SPNS2: variants seen among roughly 807,000 people sequenced by gnomAD.
The protein encoded by SPNS2 is SPNS lysolipid transporter 2, sphingosine-1-phosphate.
In SPNS2, 37 loss-of-function variants were observed where a neutral mutation model predicts 57.6. The ratio of observed to expected loss-of-function variants is 0.64; its 90% CI spans 0.49 to 0.85. SPNS2 has a LOEUF of 0.85. Among genes scored for constraint, SPNS2 ranks in the 40% least tolerant of loss-of-function variants. SPNS2 has a pLI of 0.00. For synonymous variants in SPNS2, 440 were observed against 346.9 expected, an observed-to-expected ratio of 1.27 and a Z score of -2.98; for missense variants, 831 against 779.1, an observed-to-expected ratio of 1.07 and a Z score of -0.79.
chr17:4,518,432 G>A lies in SPNS2; in HGVS notation c.436+5120G>A, dbSNP rs557599849. On this transcript the variant is annotated intron_variant, in intron 2 of 12. Coordinates refer to ENST00000329078, the MANE Select transcript of SPNS2 (RefSeq NM_001124758.3). ...CCGCTACTCGGGAGACTGAGGCAGGGGAATGGCATGAACCCAGGAGGCGGA... is the reference window on the plus strand; with the variant it reads ...CCGCTACTCGGGAGACTGAGGCAGGAGAATGGCATGAACCCAGGAGGCGGA... 7.9e-4 allele frequency among the ~76,000 whole-genome samples: 121 copies of A among 152,348 alleles called. 2 individuals are homozygous for A. The South Asian group carries it at 0.024, about 31-fold the overall frequency.
chr17:4,521,076 G>A (rs1232034881), intron 2 of SPNS2, among the ~76,000 whole-genome samples: 1 of 152,114 alleles, frequency 6.6e-6, no homozygotes, highest in Non-Finnish European at 1.5e-5. Context: ...TGTCACCACC[G>A]CCTCCGGGAA....
intron 1 of SPNS2, among the ~76,000 whole-genome samples, chr17:4,500,965 G>A (rs549333146): frequency 1.5e-4 from 23 of 152,288 alleles, no homozygotes; most frequent in Admixed American, 4.6e-4. Context: ...AACGCCAGCC[G>A]CTGTCACGCA....
At chr17:4,515,812 G>A (rs1356913002) in intron 2 of SPNS2, among the ~76,000 whole-genome samples, 1 of 152,238 alleles carries the variant, frequency 6.6e-6, no homozygotes, top group East Asian at 1.9e-4. Flanking sequence ...AGGGGCTGCT[G>A]GGCCAGGAGA....
chr17:4,521,206 C>T (rs1905130495), intron 2 of SPNS2, among the ~76,000 whole-genome samples: 1 of 152,120 alleles, frequency 6.6e-6, no homozygotes, highest in Non-Finnish European at 1.5e-5. Flanking sequence ...GGGGAAACTT[C>T]TCTTCTGATT....
chr17:4,536,432 T>TC lies in SPNS2; in HGVS notation c.1607+6_1607+7insC. On this transcript the variant is annotated splice_region_variant and intron_variant, in intron 11 of 12. Transcript: ENST00000329078. The stretch of plus-strand genomic sequence containing the variant: ...CGCGCCAGGGCTGAGCAGCAGTGAG[T>TC]GGGGGGGAGGGGAGGCCCTGCTGCA... 6.3e-7 allele frequency: 1 copy of TC among 1,578,354 alleles called. No individual in the cohort carries two copies. The highest frequency in any genetic ancestry group is 1.7e-5 in the Admixed American group (1 of 57,782).
chr17:4,529,758 A>T (rs1188031628), intron 3 of SPNS2, among the ~76,000 whole-genome samples: 1 of 152,210 alleles, frequency 6.6e-6, no homozygotes, highest in Admixed American at 6.5e-5. Context: ...GGTGATTCCC[A>T]GGAAGAGAAA....
At chr17:4,536,763 C>T (rs954962109) in intron 11 of SPNS2, 137 bp from the exon 12 acceptor site, 4 of 734,132 alleles carry the variant, frequency 5.4e-6, no homozygotes, top group African/African-American at 5.2e-5. Flanking sequence ...TGGGCTCTCC[C>T]ATCTCCCCCT....
chr17:4,508,658 G>A (rs1193129984), intron 1 of SPNS2, among the ~76,000 whole-genome samples: 7 of 152,202 alleles, frequency 4.6e-5, no homozygotes, highest in Non-Finnish European at 8.8e-5. Context: ...GCGGCAATGG[G>A]GCTGCTAAGT....
intron 11 of SPNS2, 86 bp downstream of exon 11, chr17:4,536,512 C>G (rs373557981): frequency 8.3e-5 from 113 of 1,367,418 alleles, no homozygotes; most frequent in Non-Finnish European, 1.1e-4. Flanking sequence ...TGGGGTGGGG[C>G]GGGGAGGGTA....
At chr17:4,531,218 G>C (rs2144362513) in intron 5 of SPNS2, 99 bp downstream of exon 5, 1 of 1,130,124 alleles carries the variant, frequency 8.8e-7, no homozygotes, top group Non-Finnish European at 1.3e-6. Context: ...AGGCCTCCAG[G>C]ATTCCTCCCC....
intron 2 of SPNS2, among the ~76,000 whole-genome samples, chr17:4,516,341 AAAC>A (rs532815776): frequency 2.9e-3 from 189 of 65,128 alleles, no homozygotes; most frequent in South Asian, 9.2e-3. Context: ...AAAAAAAAAA[AAAC>A]AAAAAAACCG....
rs149211796 is a variant in SPNS2, at chr17:4,537,706, T to C, written c.*258T>C. Reference sequence around the variant, plus strand: ...CCCTAGGTTTGGGCCGCAGGGCCCCTGGGGCCAAGGAAGAAGACAGCCCCA... The same window carrying C: ...CCCTAGGTTTGGGCCGCAGGGCCCCCGGGGCCAAGGAAGAAGACAGCCCCA... On this transcript the variant is annotated 3_prime_UTR_variant, in exon 13 of 13. Coordinates refer to ENST00000329078, the MANE Select transcript of SPNS2 (RefSeq NM_001124758.3). The C allele has an allele frequency of 1.3e-4, 60 of 456,756 alleles. No homozygotes were observed. In the East Asian group the frequency reaches 3.7e-3, roughly 28 times the overall value. 28.3% of individuals were successfully genotyped at this position (456,756 alleles called of 1,614,324 possible).
intron 8 of SPNS2, 38 bp downstream of exon 8, chr17:4,533,470 G>T (rs748062407): frequency 3.2e-6 from 5 of 1,552,314 alleles, no homozygotes; most frequent in Non-Finnish European, 4.3e-6. Flanking sequence ...GGGGGAGCTG[G>T]GCCTGGGCCG....
At chr17:4,506,149 G>C (rs144706116) in intron 1 of SPNS2, among the ~76,000 whole-genome samples, 1 of 152,108 alleles carries the variant, frequency 6.6e-6, no homozygotes, top group African/African-American at 2.4e-5. Context: ...GGACCAGCTC[G>C]GCCTGGCTCC....
intron 3 of SPNS2, among the ~76,000 whole-genome samples, chr17:4,525,536 G>A (rs1252841398): frequency 6.6e-6 from 1 of 152,232 alleles, no homozygotes; most frequent in East Asian, 1.9e-4. Context: ...TTATCTGGCT[G>A]TGTGACCCTG....
In SPNS2 at chr17:4,537,742, C is replaced by G; in HGVS notation, c.*294C>G. ...AAGAAGACAGCCCCAAGTGGGTGTCCGGGGAGAGCCTGGCCTGCCACCAGC... is the reference window on the plus strand; with the variant it reads ...AAGAAGACAGCCCCAAGTGGGTGTCGGGGGAGAGCCTGGCCTGCCACCAGC... On this transcript the variant is annotated 3_prime_UTR_variant, in exon 13 of 13. Coordinates refer to ENST00000329078, the MANE Select transcript of SPNS2 (RefSeq NM_001124758.3). 2 of 456,612 alleles carry G rather than the reference C, an allele frequency of 4.4e-6. No homozygotes were observed. Among genetic ancestry groups the G allele is most frequent in the Non-Finnish European group, 8.8e-6 (2 of 226,844 alleles). The allele number at this position is 456,612 out of a possible 1,614,324, so 28.3% of individuals were successfully genotyped here. A position where few individuals can be genotyped will look rare whatever the true frequency, so the allele number is the denominator to read the frequency against.
At position 4,499,779 on chromosome 17, in the gene SPNS2, G is replaced by C. The variant is rs1904411982; in HGVS notation, c.370+362G>C. On this transcript the variant is annotated intron_variant, in intron 1 of 12. Transcript: ENST00000329078. The surrounding 1 kb of genome is among the most constrained non-coding windows in gnomAD (Gnocchi z 5.2). ...GCGCCCCCTCCGACCCCAGCTGCCG[G>C]TTCCCGGGCCTCCTTCCCTTCCCTT... 2 of 187,078 alleles carry C rather than the reference G, an allele frequency of 1.1e-5. No homozygotes were observed. The highest frequency in any genetic ancestry group is 2.2e-5 in the Non-Finnish European group (2 of 91,088). 11.6% of individuals were successfully genotyped at this position (187,078 alleles called of 1,614,324 possible).
Position 4,537,515 on chromosome 17 carries a change from C to A in SPNS2, c.*67C>A, listed in dbSNP as rs577902856. ...CGTCTGGGAGGTGTCCTACAGCGTC[C>A]GGGACCGGCTGGGCTGCCCCAAAGC... On this transcript the variant is annotated 3_prime_UTR_variant, in exon 13 of 13. Transcript: ENST00000329078. 2.2e-6 allele frequency: 1 copy of A among 456,862 alleles called. No homozygotes were observed. 28.3% of individuals were successfully genotyped at this position (456,862 alleles called of 1,614,324 possible).
Position 4,538,837 on chromosome 17 carries a change from A to AC in SPNS2, c.*1394dup, listed in dbSNP as rs534943014. ...TGGCATCCTCCAAAGACCAGCCTCC[A>AC]CCCCCACTCCAGCCTCAGCGGGGCC... On this transcript the variant is annotated 3_prime_UTR_variant, in exon 13 of 13. Coordinates refer to ENST00000329078, the MANE Select transcript of SPNS2 (RefSeq NM_001124758.3). The AC allele has an allele frequency of 3.3e-4, 253 of 777,434 alleles. No homozygotes were observed. In the East Asian group the frequency reaches 5.5e-3, roughly 17 times the overall value. The allele number at this position is 777,434 out of a possible 1,614,324, so 48.2% of individuals were successfully genotyped here.
Sources: allele counts gnomAD v4.1 joint callset (sites outside exome capture counted in the v4.1 genomes callset), GRCh38; gene constraint gnomAD v4.1.1; non-coding constraint Gnocchi (gnomAD v3.1); transcripts MANE v1.5; gene names NCBI Gene and HGNC (gene_info 2026-07-23, HGNC 2026-07-21).